NFIA: variants seen among roughly 807,000 people sequenced by gnomAD.
The protein encoded by NFIA is nuclear factor I A, also known as nuclear factor 1 A-type.
Under a neutral mutation model 62.8 loss-of-function variants are expected in NFIA, and 8 were observed. The ratio of observed to expected loss-of-function variants is 0.13; its 90% CI spans 0.07 to 0.23. The LOEUF is 0.23. NFIA is among the 10% of genes least tolerant of loss of function. The probability of loss-of-function intolerance (pLI) is 1.00; values close to 1 mark genes in which losing one functional copy is unlikely to be tolerated. For missense variants in NFIA, 410 were observed against 642.1 expected (o/e 0.64, Z 3.91); for synonymous variants, 235 against 238.1 (o/e 0.99, Z 0.12).
intron 5 of NFIA, among the ~76,000 whole-genome samples, chr1:61,353,395 T>C (rs1332802018): frequency 2.0e-5 from 3 of 152,180 alleles, no homozygotes; most frequent in African/African-American, 7.2e-5. Flanking sequence ...TGCAAGATCG[T>C]GTTGTCTCTA....
At chr1:61,177,207 A>G (rs1261074271) in intron 2 of NFIA, among the ~76,000 whole-genome samples, 2 of 152,194 alleles carry the variant, frequency 1.3e-5, no homozygotes, top group African/African-American at 4.8e-5. Flanking sequence ...AAATCTGGCA[A>G]TTGTTGGGAA....
intron 5 of NFIA, among the ~76,000 whole-genome samples, chr1:61,354,749 C>G (rs1237623946): frequency 6.6e-6 from 1 of 152,170 alleles, no homozygotes; most frequent in Non-Finnish European, 1.5e-5. Flanking sequence ...CATCTCTATT[C>G]CTCCCTGGCA....
intron 2 of NFIA, among the ~76,000 whole-genome samples, chr1:61,154,154 TTTTA>T (rs905438308): frequency 6.6e-6 from 1 of 152,196 alleles, no homozygotes; most frequent in African/African-American, 2.4e-5. Flanking sequence ...TTATTTTATT[TTTTA>T]TTTATTTTTG....
At chr1:61,349,604 C>A (rs1284962765) in intron 4 of NFIA, among the ~76,000 whole-genome samples, 1 of 152,028 alleles carries the variant, frequency 6.6e-6, no homozygotes, top group Admixed American at 6.6e-5. Context: ...GATGGGTTCT[C>A]ACTCCATTGC....
At chr1:61,236,052 T>A (rs1654994461) in intron 2 of NFIA, among the ~76,000 whole-genome samples, 1 of 152,170 alleles carries the variant, frequency 6.6e-6, no homozygotes, top group African/African-American at 2.4e-5. Flanking sequence ...GGGGCTGATC[T>A]TATGTTCTAC....
chr1:61,111,144 A>G (rs1646688146), intron 2 of NFIA, among the ~76,000 whole-genome samples: 2 of 152,166 alleles, frequency 1.3e-5, no homozygotes, highest in African/African-American at 2.4e-5. Context: ...TCCCTGAAGA[A>G]CAAAGGCCTA....
chr1:61,289,101 T>C (rs1658698341), intron 3 of NFIA, among the ~76,000 whole-genome samples: 1 of 152,122 alleles, frequency 6.6e-6, no homozygotes. Flanking sequence ...ACCATGCCAA[T>C]GGAGAGTCCC....
chr1:61,192,538 A>G (rs541413957), intron 2 of NFIA, among the ~76,000 whole-genome samples: 17 of 128,814 alleles, frequency 1.3e-4, no homozygotes, highest in Non-Finnish European at 1.9e-4. Flanking sequence ...CATGACTACT[A>G]AAAATACAAA....
At position 61,139,585 on chromosome 1, in the gene NFIA, C is replaced by T. The variant is rs545450573; in HGVS notation, c.559+50905C>T. ...GCTGATACAGATCAGCATTTCCTAACTATGAGATTTCATAATATTCTCTCT... is the reference window on the plus strand; with the variant it reads ...GCTGATACAGATCAGCATTTCCTAATTATGAGATTTCATAATATTCTCTCT... On this transcript the variant is annotated intron_variant, in intron 2 of 10. Transcript: ENST00000403491. Among the ~76,000 whole-genome samples, 151 of 152,286 alleles carry T rather than the reference C, an allele frequency of 9.9e-4. 2 individuals carry two copies. The highest frequency in any genetic ancestry group is 5.9e-4 in the Non-Finnish European group (40 of 68,026).
At chr1:61,158,760 A>G (rs1183738751) in intron 2 of NFIA, among the ~76,000 whole-genome samples, 1 of 152,218 alleles carries the variant, frequency 6.6e-6, no homozygotes, top group African/African-American at 2.4e-5. Context: ...ATTGGTCTGT[A>G]TAACACTTCC....
chr1:61,229,083 T>C (rs1654508236), intron 2 of NFIA, among the ~76,000 whole-genome samples: 1 of 151,820 alleles, frequency 6.6e-6, no homozygotes, highest in South Asian at 2.1e-4. Flanking sequence ...GAAATAAATA[T>C]GTTTCATCTG....
chr1:61,276,588 T>C (rs747885336), intron 2 of NFIA, among the ~76,000 whole-genome samples: 60 of 152,304 alleles, frequency 3.9e-4, no homozygotes, highest in Non-Finnish European at 8.2e-4. Flanking sequence ...CAGAAAACGC[T>C]TTATTTTTAA....
chr1:61,315,507 G>A (rs972572583), intron 3 of NFIA, among the ~76,000 whole-genome samples: 3 of 152,172 alleles, frequency 2.0e-5, no homozygotes, highest in African/African-American at 4.8e-5. Flanking sequence ...GTATTCTTTG[G>A]TAATCGCAAA....
At chr1:61,439,402 G>A (rs1157134131) in intron 10 of NFIA, 1 of 151,818 alleles carries the variant, frequency 6.6e-6, no homozygotes, top group African/African-American at 2.4e-5. Flanking sequence ...ACAGCAGAGA[G>A]CACTTTACTT....
intron 7 of NFIA, among the ~76,000 whole-genome samples, chr1:61,396,014 A>G (rs1405840331): frequency 6.6e-6 from 1 of 152,182 alleles, no homozygotes; most frequent in Non-Finnish European, 1.5e-5. Flanking sequence ...CAGAGACTGA[A>G]TTCTATACAT....
chr1:61,256,552 G>A (rs943834215), intron 2 of NFIA, among the ~76,000 whole-genome samples: 1 of 152,060 alleles, frequency 6.6e-6, no homozygotes, highest in African/African-American at 2.4e-5. Flanking sequence ...TGGGTTGGAC[G>A]AGCTTGGTTT....
At chr1:61,151,432 T>C (rs1648404272) in intron 2 of NFIA, among the ~76,000 whole-genome samples, 1 of 148,998 alleles carries the variant, frequency 6.7e-6, no homozygotes, top group African/African-American at 2.5e-5. Flanking sequence ...GACGATCCAA[T>C]GTGCAGAGAA....
intron 2 of NFIA, among the ~76,000 whole-genome samples, chr1:61,244,074 G>A (rs951244582): frequency 6.6e-6 from 1 of 152,140 alleles, no homozygotes; most frequent in East Asian, 1.9e-4. Context: ...GTGTATGCTG[G>A]TGTCTACCCA....
intron 10 of NFIA, among the ~76,000 whole-genome samples, chr1:61,434,615 C>T (rs1394902988): frequency 6.6e-6 from 1 of 152,200 alleles, no homozygotes; most frequent in Non-Finnish European, 1.5e-5. Context: ...CCTTTTCTCT[C>T]AGTTCCTGTT....
Sources: allele counts gnomAD v4.1 joint callset (sites outside exome capture counted in the v4.1 genomes callset), GRCh38; gene constraint gnomAD v4.1.1; transcripts MANE v1.5; gene names NCBI Gene and HGNC (gene_info 2026-07-23, HGNC 2026-07-21).